GSE1: variants seen among roughly 807,000 people sequenced by gnomAD.
GSE1 encodes Gse1 coiled-coil protein.
A neutral mutation model predicts 112.6 loss-of-function variants in GSE1; 32 were observed. The observed-to-expected ratio is 0.28, with a 90% CI of 0.21 to 0.38. The LOEUF (loss-of-function observed/expected upper bound fraction) is 0.38. Ranked by LOEUF, GSE1 falls within the 10% of genes least tolerant of loss-of-function variation. GSE1 has a pLI of 1.00. For missense variants in GSE1, 2,348 were observed against 1,699.2 expected, an observed-to-expected ratio of 1.38 and a Z score of -6.71; for synonymous variants, 1,115 against 735.6, an observed-to-expected ratio of 1.52 and a Z score of -8.35.
At chr16:85,476,086 A>G (rs1206274289) in intron 2 of GSE1, among the ~76,000 whole-genome samples, 1 of 152,032 alleles carries the variant, frequency 6.6e-6, no homozygotes, top group East Asian at 1.9e-4. Flanking sequence ...GCGTGCCACC[A>G]CGCCCAGCTA....
chr16:85,509,770 C>T (rs1222002055), intron 2 of GSE1, among the ~76,000 whole-genome samples: 4 of 152,180 alleles, frequency 2.6e-5, no homozygotes, highest in Admixed American at 6.5e-5. Flanking sequence ...GAGCCACATT[C>T]GTGAGGGTAA....
chr16:85,195,075 C>T (rs1031655028), intron 1 of GSE1, among the ~76,000 whole-genome samples: 6 of 152,184 alleles, frequency 3.9e-5, no homozygotes, highest in Admixed American at 2.0e-4. Context: ...ACCATCCAAT[C>T]GCAGGCATGT....
At chr16:85,370,991 C>T (rs984721084) in intron 2 of GSE1, among the ~76,000 whole-genome samples, 23 of 152,220 alleles carry the variant, frequency 1.5e-4, no homozygotes, top group Non-Finnish European at 2.4e-4. Flanking sequence ...GGCCTGCGCC[C>T]GGCGGTGGCT....
chr16:85,383,014 G>T (rs4783188), intron 2 of GSE1, among the ~76,000 whole-genome samples: 1 of 147,952 alleles, frequency 6.8e-6, no homozygotes, highest in African/African-American at 2.5e-5. Context: ...ATGCACACAC[G>T]GTTGCACCCA....
intron 1 of GSE1, among the ~76,000 whole-genome samples, chr16:85,294,722 G>T (rs1054484100): frequency 3.2e-5 from 4 of 125,028 alleles, no homozygotes; most frequent in Non-Finnish European, 4.8e-5. Flanking sequence ...GTCTCTCCAT[G>T]ATCTCTCCAG....
chr16:85,498,907 G>A (rs923338527), intron 2 of GSE1, among the ~76,000 whole-genome samples: 2 of 152,270 alleles, frequency 1.3e-5, no homozygotes, highest in South Asian at 4.1e-4. Flanking sequence ...GGCCTGGGCT[G>A]ACAGGCCGTG....
At chr16:85,265,231 C>T (rs753479354) in intron 1 of GSE1, among the ~76,000 whole-genome samples, 33 of 152,140 alleles carry the variant, frequency 2.2e-4, no homozygotes, top group African/African-American at 7.0e-4. Context: ...GTGGACAGGA[C>T]GCTGAGACCA....
intron 2 of GSE1, among the ~76,000 whole-genome samples, chr16:85,508,644 G>A (rs932851829): frequency 6.6e-6 from 1 of 152,230 alleles, no homozygotes; most frequent in Non-Finnish European, 1.5e-5. Context: ...GTGCCTCGTG[G>A]ACACGTGGCA....
intron 1 of GSE1, among the ~76,000 whole-genome samples, chr16:85,624,360 G>T (rs2048931064): frequency 1.3e-5 from 2 of 152,202 alleles, no homozygotes; most frequent in South Asian, 4.1e-4. Flanking sequence ...AGGGCACCCG[G>T]GGGCGGTTCC....
intron 1 of GSE1, among the ~76,000 whole-genome samples, chr16:85,614,052 T>A (rs1310726881): frequency 7.1e-6 from 1 of 140,052 alleles, no homozygotes; most frequent in African/African-American, 2.7e-5. Flanking sequence ...CTCCTCTCTC[T>A]CCCCCCACCC....
intron 1 of GSE1, among the ~76,000 whole-genome samples, chr16:85,258,673 G>A (rs1907339816): frequency 6.6e-6 from 1 of 152,122 alleles, no homozygotes; most frequent in African/African-American, 2.4e-5. Flanking sequence ...AAGCGGTCGG[G>A]CCTGGAGGGG....
At chr16:85,668,892 T>G (rs982356914) in intron 14 of GSE1, among the ~76,000 whole-genome samples, 10 of 152,380 alleles carry the variant, frequency 6.6e-5, no homozygotes, top group East Asian at 3.9e-4. Context: ...TGCCTTTACT[T>G]TAGCCAAGCA....
intron 1 of GSE1, among the ~76,000 whole-genome samples, chr16:85,569,640 C>T (rs568214950): frequency 8.5e-5 from 13 of 152,340 alleles, no homozygotes; most frequent in African/African-American, 2.2e-4. Flanking sequence ...GAAGCTCCAG[C>T]GCAGGACCTC....
At chr16:85,237,834 T>TC (rs1353120147) in intron 1 of GSE1, among the ~76,000 whole-genome samples, 2 of 132,520 alleles carry the variant, frequency 1.5e-5, no homozygotes. Context: ...CAAGACTCTG[T>TC]CCCCCGCAAA....
At chr16:85,224,595 T>A (rs1325755729) in intron 1 of GSE1, among the ~76,000 whole-genome samples, 1 of 152,138 alleles carries the variant, frequency 6.6e-6, no homozygotes, top group Non-Finnish European at 1.5e-5. Flanking sequence ...CGGGCACTGT[T>A]CTTGGTGATG....
At chr16:85,499,758 C>T (rs1413913118) in intron 2 of GSE1, among the ~76,000 whole-genome samples, 1 of 152,130 alleles carries the variant, frequency 6.6e-6, no homozygotes, top group Non-Finnish European at 1.5e-5. Flanking sequence ...AATTTCAACC[C>T]ACCCTCCAGT....
rs533862220 is a variant in GSE1, at chr16:85,249,425, A to C, written c.2283+77618A>C. On this transcript the variant is annotated intron_variant, in intron 1 of 2. Transcript: ENST00000637419. ...CACTCTGTGGGCCTGTGCAGGCAGC[A>C]ACCCCGAGGTGAGGCTGCCGTCAGC... Among the ~76,000 whole-genome samples the C allele has an allele frequency of 3.9e-5, 6 of 152,354 alleles. No homozygotes were observed. The South Asian group carries it at 8.3e-4, about 21-fold the overall frequency.
At chr16:85,341,469 C>T (rs1416563033) in intron 1 of GSE1, among the ~76,000 whole-genome samples, 1 of 151,710 alleles carries the variant, frequency 6.6e-6, no homozygotes, top group Non-Finnish European at 1.5e-5. Context: ...ACCAGCCTGG[C>T]CAACATGATG....
intron 2 of GSE1, among the ~76,000 whole-genome samples, chr16:85,642,029 C>A (rs985447248): frequency 6.6e-6 from 1 of 152,268 alleles, no homozygotes; most frequent in Non-Finnish European, 1.5e-5. Flanking sequence ...GCCCTCCCTC[C>A]AGCTGTTCCA....
Sources: gnomAD v4.1 joint callset for allele counts (sites outside exome capture counted in the v4.1 genomes callset) on GRCh38, gnomAD v4.1.1 for gene constraint, MANE v1.5 for transcripts, NCBI Gene and HGNC (gene_info 2026-07-23, HGNC 2026-07-21) for gene names.